Variants in KCNH8 observed in about 807,000 individuals in gnomAD.
KCNH8 encodes voltage-gated delayed rectifier potassium channel KCNH8.
KCNH8 carries 70 observed loss-of-function variants against 103.6 expected under a neutral mutation model. The ratio of observed to expected loss-of-function variants is 0.68; its 90% CI spans 0.56 to 0.82. The LOEUF (loss-of-function observed/expected upper bound fraction) is 0.82. Among genes scored for constraint, KCNH8 ranks in the 40% least tolerant of loss-of-function variants. The probability of loss-of-function intolerance (pLI) is 0.00; values close to 1 mark genes in which losing one functional copy is unlikely to be tolerated. For missense variants in KCNH8, 1,217 were observed against 1,329.9 expected, an observed-to-expected ratio of 0.92 and a Z score of 1.32; for synonymous variants, 498 against 489.4, an observed-to-expected ratio of 1.02 and a Z score of -0.23.
chr3:19,328,410 A>G (rs1169115167), intron 3 of KCNH8, among the ~76,000 whole-genome samples: 2 of 152,164 alleles, frequency 1.3e-5, no homozygotes, highest in Non-Finnish European at 2.9e-5. Context: ...TTTATGCTCC[A>G]TGATGAATTT....
At chr3:19,171,917 A>T (rs2063352838) in intron 1 of KCNH8, among the ~76,000 whole-genome samples, 1 of 152,190 alleles carries the variant, frequency 6.6e-6, no homozygotes, top group Non-Finnish European at 1.5e-5. Flanking sequence ...CTGAATGAGG[A>T]TAAGAACTTG....
intron 1 of KCNH8, among the ~76,000 whole-genome samples, chr3:19,216,986 G>A (rs2063824331): frequency 1.3e-5 from 2 of 152,136 alleles, no homozygotes; most frequent in Non-Finnish European, 2.9e-5. Flanking sequence ...CTGGTGTGAA[G>A]GTAGAAAAGA....
intron 2 of KCNH8, among the ~76,000 whole-genome samples, chr3:19,254,980 G>A (rs1185858451): frequency 6.6e-6 from 1 of 152,044 alleles, no homozygotes; most frequent in Non-Finnish European, 1.5e-5. Context: ...TAGGTATATT[G>A]ACGTCATAAT....
In KCNH8 at chr3:19,451,186, C is replaced by G; in HGVS notation, c.1607C>G (p.Ser536Cys). Residue 536 changes from serine to cysteine, a missense_variant, in exon 10 of 16, where the codon TCT becomes TGT. Physicochemically the swap from Ser to Cys is moderately radical, Grantham distance 112. This residue lies in a region of KCNH8 where 415 missense variants were observed against 577.4 expected (regional missense o/e 0.72). Coordinates refer to ENST00000328405, the MANE Select transcript of KCNH8 (RefSeq NM_144633.3). ...AAAGACTTTCCAGATGAACTGCGTT[C>G]TGACATCACTATGCACTTGAACAAG... The part of the protein sequence containing the change: ...LLKDFPDELR[S>C]DITMHLNKEI... 1.9e-6 allele frequency: 3 copies of G among 1,613,772 alleles called. No individual in the cohort carries two copies. The highest frequency in any genetic ancestry group is 1.7e-6 in the Non-Finnish European group (2 of 1,179,724).
chr3:19,288,181 C>CTTTTTTTTTTTCTTTTTTTTTTTTTTTT lies in KCNH8; in HGVS notation c.442+6863_442+6864insCTTTTTTTTTTTTTTTTTTTTTTTTTTT, dbSNP rs2064861256. Among the ~76,000 whole-genome samples the CTTTTTTTTTTTCTTTTTTTTTTTTTTTT allele has an allele frequency of 2.6e-4, 10 of 38,162 alleles. 3 individuals carry two copies. The highest frequency in any genetic ancestry group is 9.6e-4 in the African/African-American group (10 of 10,366). 25.0% of individuals were successfully genotyped at this position (38,162 alleles called of 152,430 possible). On this transcript the variant is annotated intron_variant, in intron 3 of 15. Transcript: ENST00000328405. ...CTTCTTGCACCGGTGTATCAAACTTCTTTTTTTTTTTTTTTTTTTTTTTTT... is the reference window on the plus strand; with the variant it reads ...CTTCTTGCACCGGTGTATCAAACTTCTTTTTTTTTTTCTTTTTTTTTTTTTTTTTTTTTTTTTTTTTTTTTTTTTTTTT...
At chr3:19,413,614 C>G (rs2066816845) in intron 7 of KCNH8, among the ~76,000 whole-genome samples, 1 of 151,876 alleles carries the variant, frequency 6.6e-6, no homozygotes, top group African/African-American at 2.4e-5. Context: ...TGTGAAGACA[C>G]AACGAGAAAA....
At chr3:19,314,281 C>T (rs2065244771) in intron 3 of KCNH8, among the ~76,000 whole-genome samples, 1 of 151,704 alleles carries the variant, frequency 6.6e-6, no homozygotes, top group African/African-American at 2.4e-5. Flanking sequence ...ATTGATACTA[C>T]AGTACTTGGC....
intron 3 of KCNH8, among the ~76,000 whole-genome samples, chr3:19,294,063 C>A (rs944790678): frequency 1.9e-4 from 29 of 152,080 alleles, no homozygotes; most frequent in African/African-American, 6.8e-4. Context: ...CATGTATTTA[C>A]CTTAGTCTTA....
At chr3:19,303,787 A>G (rs970307270) in intron 3 of KCNH8, among the ~76,000 whole-genome samples, 1 of 152,076 alleles carries the variant, frequency 6.6e-6, no homozygotes, top group Non-Finnish European at 1.5e-5. Flanking sequence ...GGAAATTTGT[A>G]AACACTCACA....
intron 3 of KCNH8, among the ~76,000 whole-genome samples, chr3:19,333,041 G>A (rs915924640): frequency 9.2e-5 from 14 of 152,128 alleles, no homozygotes; most frequent in Admixed American, 7.2e-4. Context: ...TTTAGCTGTT[G>A]TGTATTGATA....
intron 2 of KCNH8, among the ~76,000 whole-genome samples, chr3:19,263,406 A>G (rs1350082580): frequency 6.6e-6 from 1 of 152,102 alleles, no homozygotes; most frequent in African/African-American, 2.4e-5. Context: ...TAAGTTGGCC[A>G]TGGGTGACTA....
intron 1 of KCNH8, among the ~76,000 whole-genome samples, chr3:19,215,564 C>A (rs112415959): frequency 7.4e-4 from 113 of 152,322 alleles, no homozygotes; most frequent in African/African-American, 2.4e-3. Context: ...TTTCCATGAT[C>A]CCAGCTTATG....
chr3:19,181,202 A>G (rs955096088), intron 1 of KCNH8, among the ~76,000 whole-genome samples: 1 of 152,194 alleles, frequency 6.6e-6, no homozygotes, highest in Admixed American at 6.5e-5. Context: ...TAAAAGATAT[A>G]CTTTATCAAG....
chr3:19,325,869 A>T (rs961686681), intron 3 of KCNH8, among the ~76,000 whole-genome samples: 1 of 152,182 alleles, frequency 6.6e-6, no homozygotes, highest in Non-Finnish European at 1.5e-5. Context: ...ATTCTATAAT[A>T]TTATAAAGAC....
intron 9 of KCNH8, chr3:19,450,944 C>T (rs1184912397): frequency 5.4e-6 from 3 of 559,426 alleles, no homozygotes; most frequent in Non-Finnish European, 9.5e-6. Flanking sequence ...TCTGTTTCTC[C>T]AGACTTCTTA....
intron 7 of KCNH8, among the ~76,000 whole-genome samples, chr3:19,419,387 A>G (rs1252060038): frequency 6.6e-6 from 1 of 150,738 alleles, no homozygotes; most frequent in Non-Finnish European, 1.5e-5. Flanking sequence ...TTTTTAGTAG[A>G]GACGGGGTTT....
At chr3:19,215,836 T>C (rs1423000950) in intron 1 of KCNH8, among the ~76,000 whole-genome samples, 1 of 152,256 alleles carries the variant, frequency 6.6e-6, no homozygotes, top group Non-Finnish European at 1.5e-5. Context: ...CTCTTCGGCA[T>C]AGCCATGTTT....
At chr3:19,151,024 T>C (rs1295000231) in intron 1 of KCNH8, among the ~76,000 whole-genome samples, 1 of 152,112 alleles carries the variant, frequency 6.6e-6, no homozygotes, top group African/African-American at 2.4e-5. Context: ...CTTTTTTTTT[T>C]CTTTTTGAAT....
intron 7 of KCNH8, among the ~76,000 whole-genome samples, chr3:19,402,306 A>G (rs2066625346): frequency 6.6e-6 from 1 of 151,978 alleles, no homozygotes; most frequent in African/African-American, 2.4e-5. Context: ...ACTAAAACCA[A>G]TATCATAATA....
Sources: gnomAD v4.1 joint callset for allele counts (sites outside exome capture counted in the v4.1 genomes callset) on GRCh38, gnomAD v4.1.1 for gene constraint, gnomAD v4.1.1 regional missense constraint, MANE v1.5 for transcripts, NCBI Gene and HGNC (gene_info 2026-07-23, HGNC 2026-07-21) for gene names.